The following ITGBL1 variants were observed in gnomAD, a reference collection of about 807,000 sequenced individuals.
ITGBL1 encodes integrin beta-like protein 1.
Under a neutral mutation model 68.5 loss-of-function variants are expected in ITGBL1, and 51 were observed. That is an observed-to-expected ratio of 0.74 (90% CI 0.59 to 0.94). The LOEUF (loss-of-function observed/expected upper bound fraction) is 0.94. Ranked by LOEUF, ITGBL1 falls within the 40% of genes least tolerant of loss-of-function variation. The probability of loss-of-function intolerance (pLI) is 0.00; values close to 1 mark genes in which losing one functional copy is unlikely to be tolerated. For synonymous variants in ITGBL1, 209 were observed against 227.3 expected (o/e 0.92, Z 0.72); for missense variants, 649 against 647.4 (o/e 1.00, Z -0.03).
Position 101,706,911 on chromosome 13 carries a change from C to A in ITGBL1, c.1279+9C>A. 6.2e-7 allele frequency: 1 copy of A among 1,612,702 alleles called. No individual in the cohort carries two copies. The highest frequency in any genetic ancestry group is 8.5e-7 in the Non-Finnish European group (1 of 1,179,030). On this transcript the variant is annotated intron_variant, in intron 9 of 10. Coordinates refer to ENST00000376180, the MANE Select transcript of ITGBL1 (RefSeq NM_004791.3). Reference sequence around the variant, plus strand: ...ATTGTGCTCGGGGAAGGGTGAGTATCTCTGCTGGTGCCTGGACTCCATTCC... The same window carrying A: ...ATTGTGCTCGGGGAAGGGTGAGTATATCTGCTGGTGCCTGGACTCCATTCC...
In ITGBL1 at chr13:101,616,320, AG is replaced by A. The variant is rs1177812555; in HGVS notation, c.1015+18023del. ...CATCCAGCTTATGTATATCCAAGGT[AG>A]GATGGGAGTCTTTATTTGTAAGTAG... On this transcript the variant is annotated intron_variant, in intron 7 of 10. Transcript: ENST00000376180. 3.3e-5 allele frequency among the ~76,000 whole-genome samples: 5 copies of A among 152,196 alleles called. No homozygotes were observed. The South Asian group carries it at 8.3e-4, about 25-fold the overall frequency.
chr13:101,634,941 G>GGTGT (rs59309809), intron 7 of ITGBL1, among the ~76,000 whole-genome samples: 3,169 of 145,872 alleles, frequency 0.022, 87 homozygotes, highest in East Asian at 0.065. Flanking sequence ...ATAAGCAAAA[G>GGTGT]GTGTGTGTGT....
At chr13:101,564,382 C>T (rs929487941) in intron 2 of ITGBL1, among the ~76,000 whole-genome samples, 3 of 151,722 alleles carry the variant, frequency 2.0e-5, no homozygotes, top group Admixed American at 6.6e-5. Flanking sequence ...AGATCAAAAC[C>T]TTTTACTCTT....
At chr13:101,491,730 C>G (rs977443099) in intron 2 of ITGBL1, among the ~76,000 whole-genome samples, 5 of 152,146 alleles carry the variant, frequency 3.3e-5, no homozygotes, top group Non-Finnish European at 7.3e-5. Flanking sequence ...CACCCATTAA[C>G]TCGTCATCTG....
rs115730626 is a variant in ITGBL1, at chr13:101,632,287, G to C, written c.1015+33988G>C. Among the ~76,000 whole-genome samples the C allele has an allele frequency of 7.7e-3, 1,170 of 152,218 alleles. 17 individuals are homozygous for C. Among genetic ancestry groups the C allele is most frequent in the African/African-American group, 0.026 (1,090 of 41,542 alleles). On this transcript the variant is annotated intron_variant, in intron 7 of 10. Coordinates refer to ENST00000376180, the MANE Select transcript of ITGBL1 (RefSeq NM_004791.3). ...TGTTACAAAAGAAGGTATATGCTTG[G>C]CTAGTAATCACTTGGAAAGGTGCTC...
chr13:101,474,294 C>T (rs911526157), intron 2 of ITGBL1, among the ~76,000 whole-genome samples: 1 of 151,936 alleles, frequency 6.6e-6, no homozygotes, highest in Non-Finnish European at 1.5e-5. Flanking sequence ...TGGTACCAAG[C>T]CTGGGGTGGT....
At chr13:101,703,583 C>A (rs2034185109) in intron 8 of ITGBL1, among the ~76,000 whole-genome samples, 1 of 152,066 alleles carries the variant, frequency 6.6e-6, no homozygotes, top group African/African-American at 2.4e-5. Flanking sequence ...AGAGACATGA[C>A]AGGAAGTTTT....
At chr13:101,528,764 T>A (rs1438093877) in intron 2 of ITGBL1, among the ~76,000 whole-genome samples, 2 of 151,990 alleles carry the variant, frequency 1.3e-5, no homozygotes, top group African/African-American at 4.8e-5. Context: ...TAAACAAGGA[T>A]TTCTGAACTT....
intron 8 of ITGBL1, among the ~76,000 whole-genome samples, chr13:101,697,991 C>A (rs139672240): frequency 1.4e-4 from 21 of 152,026 alleles, no homozygotes; most frequent in Non-Finnish European, 1.8e-4. Context: ...AGCAATTAGT[C>A]CCCCCCATCA....
At chr13:101,556,830 C>G (rs1031457970) in intron 2 of ITGBL1, among the ~76,000 whole-genome samples, 1 of 152,122 alleles carries the variant, frequency 6.6e-6, no homozygotes, top group African/African-American at 2.4e-5. Flanking sequence ...TGGTCCTGTT[C>G]GCACCTTGGT....
chr13:101,507,547 A>G (rs2139101000), intron 2 of ITGBL1, among the ~76,000 whole-genome samples: 1 of 152,330 alleles, frequency 6.6e-6, no homozygotes, highest in African/African-American at 2.4e-5. Context: ...GAGGCAAGAA[A>G]GCACCCACAA....
downstream of ITGBL1, chr13:101,720,548 GTGTGTGTGTGTGTGTGTA>G (rs999010736): frequency 9.2e-5 from 14 of 151,610 alleles, no homozygotes; most frequent in African/African-American, 2.9e-4. Flanking sequence ...GTGTGTGTGT[GTGTGTGTGTGTGTGTGTA>G]TATGTGTGTG....
At chr13:101,561,625 A>C (rs1016468802) in intron 2 of ITGBL1, among the ~76,000 whole-genome samples, 1 of 152,232 alleles carries the variant, frequency 6.6e-6, no homozygotes, top group Non-Finnish European at 1.5e-5. Context: ...ATGCAGAGGA[A>C]CAAAGATACT....
intron 7 of ITGBL1, among the ~76,000 whole-genome samples, chr13:101,681,228 G>A (rs1179159664): frequency 2.6e-5 from 4 of 152,028 alleles, no homozygotes; most frequent in Non-Finnish European, 2.9e-5. Context: ...ATTCTTCAGC[G>A]GAACACTTTA....
intron 7 of ITGBL1, among the ~76,000 whole-genome samples, chr13:101,659,386 T>G (rs1298200787): frequency 6.6e-6 from 1 of 152,208 alleles, no homozygotes; most frequent in African/African-American, 2.4e-5. Context: ...GAAAATGATT[T>G]ATTTTAATTA....
At chr13:101,507,567 T>A (rs1414924641) in intron 2 of ITGBL1, among the ~76,000 whole-genome samples, 2 of 152,186 alleles carry the variant, frequency 1.3e-5, no homozygotes, top group African/African-American at 2.4e-5. Flanking sequence ...ATATCATCGA[T>A]GTTAGGAAAC....
chr13:101,472,559 G>T (rs540510111), intron 2 of ITGBL1, among the ~76,000 whole-genome samples: 18 of 152,218 alleles, frequency 1.2e-4, no homozygotes, highest in Admixed American at 7.2e-4. Context: ...TGTTTTGGGG[G>T]TTTTTAAACC....
At chr13:101,569,107 TAC>T (rs765379576) in intron 3 of ITGBL1, among the ~76,000 whole-genome samples, 218 of 128,808 alleles carry the variant, frequency 1.7e-3, no homozygotes, top group African/African-American at 5.2e-3. Context: ...CACCCCTCCA[TAC>T]ACACACACAC....
chr13:101,574,060 A>G (rs1326729963), intron 3 of ITGBL1, among the ~76,000 whole-genome samples: 1 of 152,054 alleles, frequency 6.6e-6, no homozygotes, highest in Non-Finnish European at 1.5e-5. Context: ...CTCTTATGCT[A>G]TTGCTTCATC....
Sources: gnomAD v4.1 joint callset for allele counts (sites outside exome capture counted in the v4.1 genomes callset) on GRCh38, gnomAD v4.1.1 for gene constraint, MANE v1.5 for transcripts, NCBI Gene and HGNC (gene_info 2026-07-23, HGNC 2026-07-21) for gene names.